WDR41: variants seen among roughly 807,000 people sequenced by gnomAD.
WDR41 encodes the protein WD repeat-containing protein 41.
Under a neutral mutation model 69.3 loss-of-function variants are expected in WDR41, and 63 were observed. The observed-to-expected ratio is 0.91, with a 90% CI of 0.74 to 1.12. The LOEUF (loss-of-function observed/expected upper bound fraction) is 1.12, where lower values mean the gene tolerates loss of function less well. Ranked by LOEUF, WDR41 falls within the 50% of genes most tolerant of loss-of-function variation. WDR41 has a pLI of 0.00. For synonymous variants in WDR41, 185 were observed against 192.1 expected (o/e 0.96, Z 0.31); for missense variants, 543 against 534.5 (o/e 1.02, Z -0.16).
intron 1 of WDR41, among the ~76,000 whole-genome samples, chr5:77,548,237 C>T (rs1743232611): frequency 6.6e-6 from 1 of 152,160 alleles, no homozygotes; most frequent in African/African-American, 2.4e-5. Flanking sequence ...GATTTCATGA[C>T]CAAGAACCCA....
intron 1 of WDR41, among the ~76,000 whole-genome samples, chr5:77,565,101 G>T (rs1232068880): frequency 6.6e-6 from 1 of 152,014 alleles, no homozygotes; most frequent in African/African-American, 2.4e-5. Flanking sequence ...ACAATAACCT[G>T]AGGGAATTTT....
intron 1 of WDR41, among the ~76,000 whole-genome samples, chr5:77,519,780 A>G (rs1802345926): frequency 6.6e-6 from 1 of 151,628 alleles, no homozygotes; most frequent in Non-Finnish European, 1.5e-5. Flanking sequence ...AAATTTTTTC[A>G]TGAATTTTTC....
chr5:77,492,356 C>A, upstream of WDR41: 2 of 1,163,636 alleles, frequency 1.7e-6, no homozygotes, highest in Non-Finnish European at 2.4e-6. Flanking sequence ...GCCCACGGGC[C>A]GAAGGAATGC....
At chr5:77,587,393 G>T (rs367750011) in intron 1 of WDR41, among the ~76,000 whole-genome samples, 1 of 152,028 alleles carries the variant, frequency 6.6e-6, no homozygotes, top group African/African-American at 2.4e-5. Context: ...CTTAAGATAC[G>T]CACACATTCA....
In WDR41 at chr5:77,576,229, C is replaced by A. The variant is rs151285173; in HGVS notation, c.42+44250G>T. Among the ~76,000 whole-genome samples the A allele has an allele frequency of 2.0e-4, 30 of 152,234 alleles. No individual in the cohort carries two copies. The East Asian group carries it at 5.6e-3, about 28-fold the overall frequency. The stretch of plus-strand genomic sequence containing the variant: ...CTCCCAAAAATCATTGTCTCTTTTG[C>A]CTGTTTTTCTGCTTCTCCTTCTGGT... On this transcript the variant is annotated intron_variant, in intron 1 of 5. Coordinates refer to the WDR41 transcript ENST00000509971.
At chr5:77,597,142 A>G (rs899989337) in intron 1 of WDR41, among the ~76,000 whole-genome samples, 2 of 151,982 alleles carry the variant, frequency 1.3e-5, no homozygotes, top group African/African-American at 4.8e-5. Flanking sequence ...AAGAAAAAGA[A>G]AAAAAAGACA....
intron 1 of WDR41, among the ~76,000 whole-genome samples, chr5:77,532,279 CA>C (rs1802538843): frequency 6.6e-6 from 1 of 151,968 alleles, no homozygotes; most frequent in African/African-American, 2.4e-5. Flanking sequence ...GATGAAAGTT[CA>C]GGGGGAAAAA....
chr5:77,472,724 G>A (rs1228270687), intron 2 of WDR41, among the ~76,000 whole-genome samples: 1 of 151,916 alleles, frequency 6.6e-6, no homozygotes, highest in Admixed American at 6.6e-5. Flanking sequence ...GGATGGGAAG[G>A]ACCTCTTCAA....
rs114794766 is a variant in WDR41 at position 77,556,529 on chromosome 5, C to A, written c.42+63950G>T. 1.5e-3 allele frequency among the ~76,000 whole-genome samples: 232 copies of A among 151,348 alleles called. 3 individuals carry two copies. Among genetic ancestry groups the A allele is most frequent in the African/African-American group, 5.4e-3 (222 of 41,218 alleles). On this transcript the variant is annotated intron_variant, in intron 1 of 5. Coordinates refer to the WDR41 transcript ENST00000509971. ...TTCAAGCAATTCTCCTACGTGTAGC[C>A]CCCAAGTAGCTGGGATTACAGGCAC...
At chr5:77,613,432 G>C (rs1251775938) in intron 1 of WDR41, among the ~76,000 whole-genome samples, 1 of 151,794 alleles carries the variant, frequency 6.6e-6, no homozygotes, top group Non-Finnish European at 1.5e-5. Context: ...GCATGGTACT[G>C]GTACCAAAAC....
intron 1 of WDR41, among the ~76,000 whole-genome samples, chr5:77,503,937 A>G (rs1028053218): frequency 6.6e-6 from 1 of 152,230 alleles, no homozygotes; most frequent in African/African-American, 2.4e-5. Context: ...AAGATCTAAA[A>G]TAGACACCCT....
chr5:77,599,452 G>A (rs1321969886), intron 1 of WDR41, among the ~76,000 whole-genome samples: 2 of 151,906 alleles, frequency 1.3e-5, no homozygotes, highest in African/African-American at 4.8e-5. Context: ...TGCCTGCCTC[G>A]GCCTCCCAAA....
At chr5:77,604,593 T>C (rs971658519) in intron 1 of WDR41, among the ~76,000 whole-genome samples, 3 of 152,200 alleles carry the variant, frequency 2.0e-5, no homozygotes, top group African/African-American at 7.2e-5. Flanking sequence ...TTTGACATTA[T>C]CTATAAAATT....
chr5:77,585,273 A>G lies in WDR41; in HGVS notation c.42+35206T>C, dbSNP rs192640349. ...AAATGCAAATCAAAACTACAATGCG[A>G]TATCACCTCACTCCTGCAAGAATGG... is the stretch of plus-strand genomic sequence containing the variant. On this transcript the variant is annotated intron_variant, in intron 1 of 5. Coordinates refer to the WDR41 transcript ENST00000509971. 1.9e-4 allele frequency among the ~76,000 whole-genome samples: 29 copies of G among 152,326 alleles called. No individual in the cohort carries two copies. The East Asian group carries it at 4.4e-3, about 23-fold the overall frequency.
At chr5:77,543,322 A>G (rs2112227941) in intron 1 of WDR41, among the ~76,000 whole-genome samples, 1 of 152,348 alleles carries the variant, frequency 6.6e-6, no homozygotes, top group African/African-American at 2.4e-5. Flanking sequence ...GATTTACCTG[A>G]AAAAGAATTC....
intron 1 of WDR41, among the ~76,000 whole-genome samples, chr5:77,503,190 CAA>C (rs144057313): frequency 1.9e-3 from 140 of 74,310 alleles, no homozygotes; most frequent in Middle Eastern, 0.017. Flanking sequence ...AAATGGAAAG[CAA>C]AAAAAAAAAA....
rs146502640 is a variant in WDR41, at chr5:77,595,800, T to C, written c.42+24679A>G. ...GTTACTAGTGGTAGTAATTTTTTTT[T>C]CTCTTTCATCCGTGGCGTCCTCAAA... On this transcript the variant is annotated intron_variant, in intron 1 of 5. Transcript: ENST00000509971. Among the ~76,000 whole-genome samples, 6 of 152,240 alleles carry C rather than the reference T, an allele frequency of 3.9e-5. No homozygotes were observed. The East Asian group carries it at 1.2e-3, about 29-fold the overall frequency.
chr5:77,516,508 T>A (rs1168458495), intron 1 of WDR41, among the ~76,000 whole-genome samples: 1 of 152,192 alleles, frequency 6.6e-6, no homozygotes, highest in Admixed American at 6.5e-5. Context: ...AGTGCCATAA[T>A]AGAAGTTGGT....
intron 1 of WDR41, among the ~76,000 whole-genome samples, chr5:77,508,121 A>T (rs1253700530): frequency 6.6e-6 from 1 of 151,876 alleles, no homozygotes; most frequent in East Asian, 1.9e-4. Context: ...ATTTTTATTT[A>T]TTTATTTTTT....
Sources: gnomAD v4.1 joint callset for allele counts (sites outside exome capture counted in the v4.1 genomes callset) on GRCh38, gnomAD v4.1.1 for gene constraint, MANE v1.5 for transcripts, NCBI Gene and HGNC (gene_info 2026-07-23, HGNC 2026-07-21) for gene names.